RNF6: variants seen among roughly 807,000 people sequenced by gnomAD.
The protein encoded by RNF6 is ring finger protein 6.
In RNF6, 21 loss-of-function variants were observed where a neutral mutation model predicts 50.1. The ratio of observed to expected loss-of-function variants is 0.42; its 90% CI spans 0.30 to 0.60. The LOEUF (loss-of-function observed/expected upper bound fraction) is 0.60. RNF6 is among the 20% of genes least tolerant of loss of function. The pLI, the probability that RNF6 is intolerant of heterozygous loss-of-function variation, is 0.20. For missense variants in RNF6, 698 were observed against 838.2 expected (o/e 0.83, Z 2.07); for synonymous variants, 255 against 291.8 (o/e 0.87, Z 1.29).
chr13:26,198,073 A>G (rs1005603375), intron 5 of RNF6, among the ~76,000 whole-genome samples: 2 of 151,670 alleles, frequency 1.3e-5, no homozygotes, highest in Admixed American at 1.3e-4. Flanking sequence ...ATACATATGT[A>G]TATATGTGAG....
chr13:26,158,242 C>T (rs1041377388), intron 5 of RNF6, among the ~76,000 whole-genome samples: 7 of 152,058 alleles, frequency 4.6e-5, no homozygotes, highest in African/African-American at 1.7e-4. Context: ...TCTGCGTCTG[C>T]GTTCAAATTT....
At chr13:26,194,400 G>A (rs1868577784) in intron 5 of RNF6, among the ~76,000 whole-genome samples, 1 of 152,126 alleles carries the variant, frequency 6.6e-6, no homozygotes, top group African/African-American at 2.4e-5. Flanking sequence ...AAGAACACTT[G>A]TGAAGTTTAC....
At chr13:26,184,764 C>A (rs2137667657) in intron 5 of RNF6, among the ~76,000 whole-genome samples, 1 of 152,226 alleles carries the variant, frequency 6.6e-6, no homozygotes, top group East Asian at 1.9e-4. Context: ...CTTACATTTT[C>A]TATGAGTGAA....
intron 4 of RNF6, among the ~76,000 whole-genome samples, chr13:26,217,354 G>T (rs899496867): frequency 4.6e-5 from 7 of 152,226 alleles, no homozygotes; most frequent in Non-Finnish European, 8.8e-5. Flanking sequence ...GTGTAGTGAT[G>T]ATGGTGCATG....
chr13:26,182,862 T>C lies in RNF6; in HGVS notation n.768+32612A>G, dbSNP rs150139670. On this transcript the variant is annotated intron_variant and non_coding_transcript_variant, in intron 5 of 5. Coordinates refer to the RNF6 transcript ENST00000468480. The stretch of plus-strand genomic sequence containing the variant: ...ATTCTGATTACCATACACAACTTGG[T>C]ATCCCACAGAACCTATTAACAGATT... 3.9e-3 allele frequency among the ~76,000 whole-genome samples: 600 copies of C among 152,328 alleles called. 3 individuals are homozygous for C. Among genetic ancestry groups the C allele is most frequent in the African/African-American group, 0.014 (562 of 41,572 alleles).
chr13:26,183,942 T>TTA (rs1873363297), intron 5 of RNF6, among the ~76,000 whole-genome samples: 1 of 144,728 alleles, frequency 6.9e-6, no homozygotes, highest in Non-Finnish European at 1.5e-5. Flanking sequence ...TTATAATTAT[T>TTA]CATATATATA....
chr13:26,176,166 ACT>A (rs1203768189), intron 5 of RNF6, among the ~76,000 whole-genome samples: 2 of 152,142 alleles, frequency 1.3e-5, no homozygotes, highest in African/African-American at 4.8e-5. Flanking sequence ...TGGCTGGTAA[ACT>A]CTCTGAACTG....
chr13:26,211,327 A>C (rs1234047775), downstream of RNF6, among the ~76,000 whole-genome samples: 1 of 152,222 alleles, frequency 6.6e-6, no homozygotes, highest in Non-Finnish European at 1.5e-5. Context: ...ATGTCTTGCA[A>C]AGGACTAAGT....
chr13:26,196,307 A>C (rs191624557), intron 5 of RNF6, among the ~76,000 whole-genome samples: 194 of 152,298 alleles, frequency 1.3e-3, no homozygotes, highest in African/African-American at 4.5e-3. Flanking sequence ...GTCAACCCAG[A>C]ATGCTATATC....
At chr13:26,148,222 A>C (rs1237536796) in intron 5 of RNF6, among the ~76,000 whole-genome samples, 2 of 152,084 alleles carry the variant, frequency 1.3e-5, no homozygotes, top group Non-Finnish European at 1.5e-5. Flanking sequence ...TGAGAAGAGC[A>C]TGGGGGAAAC....
At position 26,148,632 on chromosome 13, in the gene RNF6, TTATATATATATATATATATA is replaced by T. The variant is rs57373126; in HGVS notation, n.769-16201_769-16182del. Among the ~76,000 whole-genome samples, 43 of 47,068 alleles carry T rather than the reference TTATATATATATATATATATA, an allele frequency of 9.1e-4. 1 individual carries two copies. The highest frequency in any genetic ancestry group is 1.9e-3 in the African/African-American group (18 of 9,494). 30.9% of individuals were successfully genotyped at this position (47,068 alleles called of 152,430 possible). ...AATAGAAACAATAGTATAAATCTCT[TTATATATATATATATATATA>T]TATATATATATATATATATGAGGGA... On this transcript the variant is annotated intron_variant and non_coding_transcript_variant, in intron 5 of 5. Coordinates refer to the RNF6 transcript ENST00000468480.
At chr13:26,134,762 A>G (rs1468260545) in intron 5 of RNF6, among the ~76,000 whole-genome samples, 1 of 152,124 alleles carries the variant, frequency 6.6e-6, no homozygotes, top group Non-Finnish European at 1.5e-5. Context: ...CCAGAAATCA[A>G]ACTCTGTAAT....
intron 5 of RNF6, among the ~76,000 whole-genome samples, chr13:26,185,120 C>T (rs528615182): frequency 2.9e-3 from 438 of 152,166 alleles, no homozygotes; most frequent in African/African-American, 0.01. Context: ...CCTCAGCCTC[C>T]CAAGCAGCTG....
chr13:26,177,838 T>C (rs1173794815), intron 5 of RNF6, among the ~76,000 whole-genome samples: 4 of 152,206 alleles, frequency 2.6e-5, no homozygotes, highest in Non-Finnish European at 4.4e-5. Flanking sequence ...TATGCCCTAC[T>C]CCACCATGTT....
intron 5 of RNF6, among the ~76,000 whole-genome samples, chr13:26,179,086 C>T (rs1273933126): frequency 1.3e-5 from 2 of 152,194 alleles, no homozygotes; most frequent in East Asian, 3.9e-4. Context: ...CAGAGGAGGA[C>T]TCTAAACACC....
chr13:26,217,917 G>T (rs1013838869), intron 4 of RNF6, among the ~76,000 whole-genome samples: 1 of 152,076 alleles, frequency 6.6e-6, no homozygotes, highest in African/African-American at 2.4e-5. Flanking sequence ...GCATTTTGGG[G>T]TTTTTACATA....
intron 5 of RNF6, among the ~76,000 whole-genome samples, chr13:26,161,088 C>A (rs1476851938): frequency 6.6e-6 from 1 of 152,148 alleles, no homozygotes; most frequent in Non-Finnish European, 1.5e-5. Flanking sequence ...AAAAAGTTAT[C>A]CTCAGCTCTC....
At chr13:26,155,807 C>G (rs1189939516) in intron 5 of RNF6, among the ~76,000 whole-genome samples, 1 of 152,134 alleles carries the variant, frequency 6.6e-6, no homozygotes, top group Non-Finnish European at 1.5e-5. Context: ...AGCCAGCTGC[C>G]CAGCCGTAGG....
At chr13:26,146,001 A>G (rs982557967) in intron 5 of RNF6, among the ~76,000 whole-genome samples, 5 of 152,122 alleles carry the variant, frequency 3.3e-5, no homozygotes, top group African/African-American at 1.2e-4. Context: ...TCCATTGATC[A>G]CCTGACCTCT....
Sources: allele counts gnomAD v4.1 joint callset (sites outside exome capture counted in the v4.1 genomes callset), GRCh38; gene constraint gnomAD v4.1.1; transcripts MANE v1.5; gene names NCBI Gene and HGNC (gene_info 2026-07-23, HGNC 2026-07-21).